COL19A1: variants seen among roughly 807,000 people sequenced by gnomAD.
COL19A1 encodes the protein collagen type XIX alpha 1 chain.
COL19A1 carries 159 observed loss-of-function variants against 190.2 expected under a neutral mutation model. That is an observed-to-expected ratio of 0.84 (90% confidence interval 0.73 to 0.95). The LOEUF (loss-of-function observed/expected upper bound fraction) is 0.95. Among genes scored for constraint, COL19A1 ranks in the 40% least tolerant of loss-of-function variants. COL19A1 has a pLI of 0.00. For missense variants in COL19A1, 1,418 were observed against 1,431.9 expected (o/e 0.99, Z 0.16); for synonymous variants, 509 against 458.9 (o/e 1.11, Z -1.39).
At position 70,211,225 on chromosome 6, in the gene COL19A1, T is replaced by G. The variant is rs1768186028; in HGVS notation, c.*3951T>G. Among the ~76,000 whole-genome samples the G allele has an allele frequency of 6.6e-6, 1 of 151,824 alleles. No individual in the cohort carries two copies. The highest frequency in any genetic ancestry group is 2.1e-4 in the South Asian group (1 of 4,824). ...TACAAAAGTACAATTAGAAACACTG[T>G]TTTTTTTAAGTACCGTTTTTATTTT... On this transcript the variant is annotated 3_prime_UTR_variant, in exon 51 of 51. Transcript: ENST00000620364.
chr6:70,140,975 G>A lies in COL19A1; in HGVS notation c.1468G>A (p.Glu490Lys), dbSNP rs1226347074. The stretch of plus-strand genomic sequence containing the variant: ...TTAGGGAGAGCCTTTTACAAAAGGA[G>A]AAAAAGGAGATAGAGTAAGTAGATA... ...GEPGEPFTKG[E>K]KGDRGEPGVI... The change falls in exon 20 of 51, where the codon GAA (glutamate) becomes AAA (lysine). Residue 490 changes from glutamate to lysine, a missense_variant. Transcript: ENST00000620364. 4 of 1,609,350 alleles carry A rather than the reference G, an allele frequency of 2.5e-6. No homozygotes were observed. The Admixed American group carries it at 6.7e-5, about 27-fold the overall frequency.
intron 11 of COL19A1, 116 bp from the exon 12 acceptor site, chr6:70,023,511 A>T: frequency 5.2e-6 from 4 of 775,536 alleles, no homozygotes; most frequent in Non-Finnish European, 8.1e-6. Context: ...CGTGCCTTTC[A>T]AGGGTTTAGC....
At chr6:70,028,264 A>G (rs78797605) in intron 12 of COL19A1, among the ~76,000 whole-genome samples, 15,012 of 152,188 alleles carry the variant, frequency 0.099, 800 homozygotes, top group East Asian at 0.2. Context: ...GGAGATGGGG[A>G]AATGTAGGCA....
chr6:69,903,104 C>T (rs922595343), intron 4 of COL19A1, among the ~76,000 whole-genome samples: 1 of 152,206 alleles, frequency 6.6e-6, no homozygotes, highest in Non-Finnish European at 1.5e-5. Flanking sequence ...TGCCCAGCAT[C>T]GGTTCAGATT....
intron 41 of COL19A1, among the ~76,000 whole-genome samples, chr6:70,173,370 A>G (rs909156284): frequency 2.6e-5 from 4 of 152,344 alleles, no homozygotes; most frequent in Admixed American, 2.6e-4. Context: ...CAGAAGAGTC[A>G]AGGATTGAGC....
intron 14 of COL19A1, among the ~76,000 whole-genome samples, chr6:70,067,369 A>C (rs1781300882): frequency 6.6e-6 from 1 of 152,086 alleles, no homozygotes; most frequent in Non-Finnish European, 1.5e-5. Flanking sequence ...GAAGTTTAAG[A>C]GAGTTGAATG....
Position 69,938,036 on chromosome 6 carries a change from A to C in COL19A1, c.874-2A>C, listed in dbSNP as rs1357772569. The C allele has an allele frequency of 5.0e-6, 8 of 1,612,218 alleles. No homozygotes were observed. Among genetic ancestry groups the C allele is most frequent in the Non-Finnish European group, 6.8e-6 (8 of 1,178,950 alleles). Reference sequence around the variant, plus strand: ...CTAACACAGATATGCATTTTTGCTCAGGGAGAAGCAGGATTACCAGGAGCT... The same window carrying C: ...CTAACACAGATATGCATTTTTGCTCCGGGAGAAGCAGGATTACCAGGAGCT... On this transcript the variant is annotated splice_acceptor_variant, in intron 8 of 50. Transcript: ENST00000620364. LOFTEE classifies it high-confidence loss of function.
chr6:69,899,003 A>G lies in COL19A1; in HGVS notation c.147A>G (p.Ile49Met), dbSNP rs1162987656. 1.2e-6 allele frequency: 2 copies of G among 1,611,418 alleles called. No individual in the cohort carries two copies. Among genetic ancestry groups the G allele is most frequent in the East Asian group, 4.5e-5 (2 of 44,766 alleles). Residue 49 changes from isoleucine (I) to methionine (M), a missense_variant, in exon 3 of 51, where the codon ATA becomes ATG. By Grantham distance (10) the Ile-to-Met change is conservative. Coordinates refer to ENST00000620364, the MANE Select transcript of COL19A1 (RefSeq NM_001858.6). Reference sequence around the variant, plus strand: ...GACATCAGCTGACATATGACAACATAAACAAACTTGAAGTTTCAGGTAGGC... The same window carrying G: ...GACATCAGCTGACATATGACAACATGAACAAACTTGAAGTTTCAGGTAGGC... ...IEGHQLTYDN[I>M]NKLEVSGFDL...
intron 17 of COL19A1, among the ~76,000 whole-genome samples, chr6:70,127,794 C>T (rs893844004): frequency 2.0e-5 from 3 of 152,030 alleles, no homozygotes; most frequent in African/African-American, 4.8e-5. Flanking sequence ...AAGACTCACA[C>T]CCATGATTCA....
intron 44 of COL19A1, among the ~76,000 whole-genome samples, chr6:70,182,906 A>G (rs1343510580): frequency 6.6e-6 from 1 of 152,080 alleles, no homozygotes; most frequent in Non-Finnish European, 1.5e-5. Flanking sequence ...GGGGCAGTTC[A>G]CCCTTCCTAA....
intron 31 of COL19A1, 114 bp from the exon 32 acceptor site, chr6:70,156,013 C>A: frequency 1.3e-6 from 1 of 747,280 alleles, no homozygotes; most frequent in Non-Finnish European, 2.2e-6. Context: ...GCAGAATGAC[C>A]TATCTATATC....
At chr6:70,152,722 G>A (rs958358254) in intron 31 of COL19A1, among the ~76,000 whole-genome samples, 3 of 152,140 alleles carry the variant, frequency 2.0e-5, no homozygotes, top group African/African-American at 7.2e-5. Context: ...GCAAGTAAAT[G>A]TAACATTAAC....
chr6:70,137,771 A>C (rs1263380618), intron 19 of COL19A1, 24 bp downstream of exon 19: 7 of 1,608,886 alleles, frequency 4.4e-6, no homozygotes, highest in Admixed American at 1.7e-5. Context: ...CTTTGAGGAC[A>C]GAGGAAGAAT....
At chr6:70,078,180 T>G (rs1782008112) in intron 15 of COL19A1, among the ~76,000 whole-genome samples, 1 of 152,192 alleles carries the variant, frequency 6.6e-6, no homozygotes, top group Non-Finnish European at 1.5e-5. Flanking sequence ...ACACCTATAC[T>G]GAGTGAGGCA....
At chr6:69,948,618 C>A (rs1404497453) in intron 9 of COL19A1, among the ~76,000 whole-genome samples, 1 of 151,728 alleles carries the variant, frequency 6.6e-6, no homozygotes, top group Non-Finnish European at 1.5e-5. Context: ...GTTAAGTATG[C>A]AAGCCAAGAA....
intron 9 of COL19A1, among the ~76,000 whole-genome samples, chr6:69,955,234 A>G (rs1425848255): frequency 1.3e-5 from 2 of 152,144 alleles, no homozygotes; most frequent in African/African-American, 2.4e-5. Context: ...GGGTTCTACA[A>G]CATTGACTAA....
At chr6:70,175,252 CT>C (rs1305279027) in intron 41 of COL19A1, among the ~76,000 whole-genome samples, 2 of 151,954 alleles carry the variant, frequency 1.3e-5, no homozygotes, top group African/African-American at 4.8e-5. Context: ...TGATCTTTGC[CT>C]TTCATTTTTA....
At chr6:69,931,398 T>G (rs1772751946) in intron 6 of COL19A1, among the ~76,000 whole-genome samples, 1 of 152,186 alleles carries the variant, frequency 6.6e-6, no homozygotes, top group East Asian at 1.9e-4. Context: ...GTCATGGAAC[T>G]CAATCAGGTT....
In COL19A1 at chr6:70,107,354, C is replaced by T. The variant is rs373456206; in HGVS notation, c.1278+5132C>T. ...TGGCGGTGAGGAACTTAGTCCTTCT[C>T]CTCACTAGCTTGTCCTGGAACAATT... On this transcript the variant is annotated intron_variant, in intron 16 of 50. Transcript: ENST00000620364. 3.9e-5 allele frequency among the ~76,000 whole-genome samples: 6 copies of T among 152,238 alleles called. No individual in the cohort carries two copies. In the East Asian group the frequency reaches 1.2e-3, roughly 29 times the overall value.
Sources: allele counts gnomAD v4.1 joint callset (sites outside exome capture counted in the v4.1 genomes callset), GRCh38; gene constraint gnomAD v4.1.1; transcripts MANE v1.5; gene names NCBI Gene and HGNC (gene_info 2026-07-23, HGNC 2026-07-21).